The following DNAH9 variants were observed in gnomAD, a reference collection of about 807,000 sequenced individuals.
DNAH9 encodes DNAH9 variant protein.
In DNAH9, 345 loss-of-function variants were observed where a neutral mutation model predicts 471.6. The ratio of observed to expected loss-of-function variants is 0.73; its 90% CI spans 0.67 to 0.80. DNAH9 has a LOEUF of 0.80. Among genes scored for constraint, DNAH9 ranks in the 30% least tolerant of loss-of-function variants. The probability of loss-of-function intolerance (pLI) is 0.00; values close to 1 mark genes in which losing one functional copy is unlikely to be tolerated. For missense variants in DNAH9, 5,407 were observed against 5,609.2 expected (o/e 0.96, Z 1.15); for synonymous variants, 2,093 against 2,123.6 (o/e 0.99, Z 0.40).
rs1973471163 is a variant in DNAH9 at position 11,903,139 on chromosome 17, G to A, written c.11600+227G>A. 1.3e-5 allele frequency among the ~76,000 whole-genome samples: 2 copies of A among 152,150 alleles called. 1 individual carries two copies. Among genetic ancestry groups the A allele is most frequent in the South Asian group, 4.1e-4 (2 of 4,830 alleles). ...GTGGATCACAAGGTCAGGAGTTCAA[G>A]ACCAGCCTGGCCAAGATGGTGAAAC... On this transcript the variant is annotated intron_variant, in intron 60 of 68. Coordinates refer to ENST00000262442, the MANE Select transcript of DNAH9 (RefSeq NM_001372.4).
intron 17 of DNAH9, among the ~76,000 whole-genome samples, chr17:11,673,256 A>G (rs1022970134): frequency 5.3e-5 from 8 of 152,198 alleles, no homozygotes; most frequent in Admixed American, 2.6e-4. Flanking sequence ...ATTAGTATCA[A>G]TCATGAGAGA....
At chr17:11,871,902 CCT>C in intron 52 of DNAH9, 116 bp downstream of exon 52, 4 of 1,126,984 alleles carry the variant, frequency 3.5e-6, no homozygotes, top group Non-Finnish European at 5.1e-6. Flanking sequence ...CCCACCACCC[CCT>C]GAGCACCAGG....
chr17:11,701,166 T>A lies in DNAH9; in HGVS notation c.5070T>A (p.Thr1690=), dbSNP rs760952517. ...LNHVLGHMKA[T]VRHEMTEGVT... ...ATGTCCTTGGTCACATGAAGGCCAC[T>A]GTGAGGCATGAGATGACAGAAGGTG... Residue 1690 remains threonine, a synonymous_variant, in exon 24 of 69, where the codon ACT becomes ACA. Transcript: ENST00000262442. 22 of 1,614,000 alleles carry A rather than the reference T, an allele frequency of 1.4e-5. No individual in the cohort carries two copies. In the East Asian group the frequency reaches 4.9e-4, roughly 36 times the overall value.
chr17:11,676,301 A>C (rs1243162644), intron 17 of DNAH9, among the ~76,000 whole-genome samples: 1 of 50,800 alleles, frequency 2.0e-5, no homozygotes, highest in Admixed American at 2.9e-4. Context: ...TTTTTTTTTG[A>C]GACGGAGTTT....
chr17:11,870,222 G>T (rs1174094035), intron 51 of DNAH9, among the ~76,000 whole-genome samples: 1 of 152,216 alleles, frequency 6.6e-6, no homozygotes, highest in East Asian at 1.9e-4. Context: ...AGATTAAAGG[G>T]CAGAGAGCAC....
At chr17:11,806,653 G>A (rs1969694955) in intron 43 of DNAH9, among the ~76,000 whole-genome samples, 1 of 98,086 alleles carries the variant, frequency 1.0e-5, no homozygotes, top group Non-Finnish European at 2.0e-5. Context: ...GACTTTTCAG[G>A]TACAAACAAT....
rs773743864 is a variant in DNAH9, at chr17:11,619,791, C to T, written c.1350+10C>T. ...ACTGCACGTGGTGGAGGTGAGTGCG[C>T]ACCTCACCTCAGGCTGCCAGCCCCA... On this transcript the variant is annotated intron_variant, in intron 6 of 68. Transcript: ENST00000262442. The T allele has an allele frequency of 4.7e-6, 7 of 1,504,740 alleles. No individual in the cohort carries two copies. Among genetic ancestry groups the T allele is most frequent in the Admixed American group, 1.7e-5 (1 of 59,796 alleles). The allele number at this position is 1,504,740 out of a possible 1,614,324, so 93.2% of individuals were successfully genotyped here.
intron 27 of DNAH9, among the ~76,000 whole-genome samples, chr17:11,724,462 A>G (rs1382299946): frequency 6.6e-6 from 1 of 152,210 alleles, no homozygotes; most frequent in African/African-American, 2.4e-5. Context: ...CTTTCACTTA[A>G]GATAATATCC....
chr17:11,798,679 G>T (rs1244695624), intron 43 of DNAH9, among the ~76,000 whole-genome samples: 3 of 151,796 alleles, frequency 2.0e-5, no homozygotes, highest in Admixed American at 6.6e-5. Context: ...AAATCCTTCC[G>T]CCTTCCCCCA....
At chr17:11,786,047 C>T (rs552177068) in intron 41 of DNAH9, among the ~76,000 whole-genome samples, 2 of 151,292 alleles carry the variant, frequency 1.3e-5, no homozygotes, top group Non-Finnish European at 2.9e-5. Flanking sequence ...TACTGCAGCT[C>T]TATGAAGTGG....
intron 66 of DNAH9, 48 bp from the exon 67 acceptor site, chr17:11,942,255 T>C: frequency 1.3e-6 from 2 of 1,590,272 alleles, no homozygotes; most frequent in Non-Finnish European, 1.7e-6. Flanking sequence ...GGATTCCTTC[T>C]GGAGAATAGA....
chr17:11,680,916 T>C (rs750871246), intron 19 of DNAH9, 27 bp downstream of exon 19: 3 of 1,586,034 alleles, frequency 1.9e-6, no homozygotes, highest in South Asian at 1.1e-5. Context: ...GCTGCCTCTC[T>C]TTCTGTGAAC....
At chr17:11,714,813 C>T (rs1232979588) in intron 26 of DNAH9, among the ~76,000 whole-genome samples, 1 of 152,068 alleles carries the variant, frequency 6.6e-6, no homozygotes, top group Non-Finnish European at 1.5e-5. Context: ...GCAGAACAGC[C>T]TCTAGGAGCT....
chr17:11,921,514 A>G (rs1183547156), intron 61 of DNAH9, among the ~76,000 whole-genome samples: 1 of 152,066 alleles, frequency 6.6e-6, no homozygotes, highest in African/African-American at 2.4e-5. Context: ...GATGAGTCAC[A>G]AGCAGTAGGG....
intron 63 of DNAH9, among the ~76,000 whole-genome samples, chr17:11,930,552 T>C (rs1175516961): frequency 1.3e-5 from 2 of 152,032 alleles, no homozygotes; most frequent in Non-Finnish European, 2.9e-5. Context: ...GGATTTGAAA[T>C]GTAACTGCAT....
intron 50 of DNAH9, among the ~76,000 whole-genome samples, chr17:11,865,666 G>A (rs1597755390): frequency 2.6e-5 from 4 of 151,712 alleles, no homozygotes; most frequent in South Asian, 2.1e-4. Flanking sequence ...CCAATCAGAC[G>A]TAGATTTGGT....
Position 11,774,345 on chromosome 17 carries a change from C to T in DNAH9, c.7552+5016C>T, listed in dbSNP as rs144272874. 3.8e-3 allele frequency among the ~76,000 whole-genome samples: 576 copies of T among 152,240 alleles called. 2 individuals carry two copies. Among genetic ancestry groups the T allele is most frequent in the African/African-American group, 0.013 (543 of 41,530 alleles). On this transcript the variant is annotated intron_variant, in intron 38 of 68. Transcript: ENST00000262442. Reference sequence around the variant, plus strand: ...GCCATACTATACCTTTCTTTGGCAACTTACTTGCATTAGTCTGTTCTCACA... The same window carrying T: ...GCCATACTATACCTTTCTTTGGCAATTTACTTGCATTAGTCTGTTCTCACA...
intron 45 of DNAH9, among the ~76,000 whole-genome samples, chr17:11,818,223 G>C (rs1970171344): frequency 6.6e-6 from 1 of 152,192 alleles, no homozygotes; most frequent in African/African-American, 2.4e-5. Flanking sequence ...AAGGTCAGGA[G>C]ATCGAGACCA....
chr17:11,795,444 T>C (rs773037189), intron 42 of DNAH9, among the ~76,000 whole-genome samples: 3 of 152,248 alleles, frequency 2.0e-5, no homozygotes, highest in Non-Finnish European at 4.4e-5. Context: ...TTTAGCTCCG[T>C]ATTTTTTTCC....
Sources: allele counts gnomAD v4.1 joint callset (sites outside exome capture counted in the v4.1 genomes callset), GRCh38; gene constraint gnomAD v4.1.1; transcripts MANE v1.5; gene names NCBI Gene and HGNC (gene_info 2026-07-23, HGNC 2026-07-21).